Variants in RSU1 observed in about 807,000 individuals in gnomAD.
RSU1 encodes Ras suppressor protein 1.
A neutral mutation model predicts 31.1 loss-of-function variants in RSU1; 26 were observed. The observed-to-expected ratio is 0.84, with a 90% CI of 0.61 to 1.16. The LOEUF (loss-of-function observed/expected upper bound fraction) is 1.16, where lower values mean the gene tolerates loss of function less well. Ranked by LOEUF, RSU1 falls within the 50% of genes most tolerant of loss-of-function variation. The pLI, the probability that RSU1 is intolerant of heterozygous loss-of-function variation, is 0.00. For missense variants in RSU1, 320 were observed against 339.1 expected, an observed-to-expected ratio of 0.94 and a Z score of 0.44; for synonymous variants, 164 against 136.3, an observed-to-expected ratio of 1.20 and a Z score of -1.41.
At chr10:16,749,647 T>A (rs1255364580) in intron 7 of RSU1, among the ~76,000 whole-genome samples, 1 of 152,160 alleles carries the variant, frequency 6.6e-6, no homozygotes, top group African/African-American at 2.4e-5. Flanking sequence ...GATCCCATCC[T>A]GGGGCATGTT....
intron 4 of RSU1, among the ~76,000 whole-genome samples, chr10:16,757,225 G>A (rs1201086721): frequency 6.6e-6 from 1 of 151,726 alleles, no homozygotes; most frequent in Non-Finnish European, 1.5e-5. Flanking sequence ...TTCCCTTTGA[G>A]CATACTTAAA....
intron 2 of RSU1, among the ~76,000 whole-genome samples, chr10:16,813,723 C>T (rs1838461681): frequency 6.6e-6 from 1 of 152,204 alleles, no homozygotes; most frequent in Admixed American, 6.5e-5. Context: ...GTGCTGTACT[C>T]CTCTGCCTCT....
At chr10:16,816,901 G>A (rs965489114) in intron 2 of RSU1, 72 bp downstream of exon 2, 1 of 1,056,680 alleles carries the variant, frequency 9.5e-7, no homozygotes, top group Non-Finnish European at 1.5e-6. Context: ...CTCACAGCAG[G>A]ACCAGCAGTG....
intron 2 of RSU1, among the ~76,000 whole-genome samples, chr10:16,785,318 C>T (rs554251852): frequency 1.3e-4 from 20 of 151,810 alleles, no homozygotes; most frequent in African/African-American, 4.8e-4. Flanking sequence ...TTTCATTGCT[C>T]CTCAGCTTGC....
chr10:16,726,215 A>C (rs1836389574), intron 7 of RSU1, among the ~76,000 whole-genome samples: 1 of 151,846 alleles, frequency 6.6e-6, no homozygotes, highest in Non-Finnish European at 1.5e-5. Flanking sequence ...TTCATTTGTC[A>C]ATATAGTTAC....
chr10:16,643,255 C>A (rs575706143), intron 8 of RSU1, among the ~76,000 whole-genome samples: 1 of 152,254 alleles, frequency 6.6e-6, no homozygotes, highest in South Asian at 2.1e-4. Flanking sequence ...TGATCTGTTA[C>A]TGAGACATGA....
chr10:16,734,749 A>C (rs1299228315), intron 7 of RSU1, among the ~76,000 whole-genome samples: 1 of 152,234 alleles, frequency 6.6e-6, no homozygotes, highest in Non-Finnish European at 1.5e-5. Flanking sequence ...AAAAAGTAAG[A>C]AACATGAGAA....
intron 8 of RSU1, among the ~76,000 whole-genome samples, chr10:16,603,127 T>C (rs984971646): frequency 3.9e-5 from 6 of 152,212 alleles, no homozygotes; most frequent in Admixed American, 3.9e-4. Context: ...TTCTTCTCCA[T>C]TATAACCTGC....
At chr10:16,630,977 T>C (rs116350378) in intron 8 of RSU1, among the ~76,000 whole-genome samples, 101 of 152,354 alleles carry the variant, frequency 6.6e-4, no homozygotes, top group African/African-American at 2.3e-3. Context: ...AGATCTCAGT[T>C]AACTCAGTCC....
chr10:16,723,055 CAT>C (rs1007419985), intron 7 of RSU1: 5 of 151,082 alleles, frequency 3.3e-5, no homozygotes, highest in South Asian at 2.1e-4. Flanking sequence ...TACATACACA[CAT>C]ATATATCATG....
intron 8 of RSU1, among the ~76,000 whole-genome samples, chr10:16,644,990 A>C (rs1834509420): frequency 6.6e-6 from 1 of 152,222 alleles, no homozygotes; most frequent in East Asian, 1.9e-4. Context: ...ATAATATTTA[A>C]TAGCTCTGAT....
intron 7 of RSU1, among the ~76,000 whole-genome samples, chr10:16,751,105 T>C (rs985600865): frequency 6.6e-6 from 1 of 152,060 alleles, no homozygotes; most frequent in Non-Finnish European, 1.5e-5. Flanking sequence ...GGGCTCAAGC[T>C]ATCCGCCTGC....
At chr10:16,643,645 C>T (rs571409449) in intron 8 of RSU1, among the ~76,000 whole-genome samples, 1 of 152,264 alleles carries the variant, frequency 6.6e-6, no homozygotes, top group African/African-American at 2.4e-5. Context: ...TTTATTAACT[C>T]TGTGATCTTG....
intron 7 of RSU1, among the ~76,000 whole-genome samples, chr10:16,744,571 T>A (rs1836812490): frequency 6.6e-6 from 1 of 152,178 alleles, no homozygotes; most frequent in South Asian, 2.1e-4. Context: ...ACCCAACACT[T>A]ACTAGGAACA....
intron 3 of RSU1, among the ~76,000 whole-genome samples, chr10:16,766,472 T>C (rs970939111): frequency 1.3e-5 from 2 of 152,156 alleles, no homozygotes; most frequent in Non-Finnish European, 1.5e-5. Context: ...CCCAGCACTT[T>C]AGGAGGCCGA....
intron 7 of RSU1, among the ~76,000 whole-genome samples, chr10:16,741,774 G>A (rs1232311628): frequency 6.6e-6 from 1 of 152,114 alleles, no homozygotes; most frequent in Admixed American, 6.5e-5. Flanking sequence ...AGGGAAGGTA[G>A]GAAGCAGGAA....
At chr10:16,647,219 G>C (rs1053661122) in intron 8 of RSU1, among the ~76,000 whole-genome samples, 1 of 152,046 alleles carries the variant, frequency 6.6e-6, no homozygotes, top group Non-Finnish European at 1.5e-5. Flanking sequence ...TGATCTACAC[G>C]CCTCGGCCTC....
At chr10:16,656,394 T>A (rs1485541887) in intron 8 of RSU1, among the ~76,000 whole-genome samples, 16 of 152,226 alleles carry the variant, frequency 1.1e-4, no homozygotes, top group Admixed American at 1.0e-3. Context: ...ACTTAATCAA[T>A]CAAATCTCAC....
In RSU1 at chr10:16,730,842, G is replaced by A. The variant is rs147121535; in HGVS notation, c.598+21697C>T. On this transcript the variant is annotated intron_variant, in intron 7 of 8. Coordinates refer to ENST00000345264, the MANE Select transcript of RSU1 (RefSeq NM_012425.4). ...AAGCAATGTTGTTGTTTTTTTCAGC[G>A]AGACTGAGTCTCACTCTGTCGCCCA... Among the ~76,000 whole-genome samples the A allele has an allele frequency of 2.9e-3, 444 of 152,030 alleles. 4 individuals are homozygous for A. Among genetic ancestry groups the A allele is most frequent in the African/African-American group, 0.01 (421 of 41,454 alleles).
Sources: allele counts gnomAD v4.1 joint callset (sites outside exome capture counted in the v4.1 genomes callset), GRCh38; gene constraint gnomAD v4.1.1; transcripts MANE v1.5; gene names NCBI Gene and HGNC (gene_info 2026-07-23, HGNC 2026-07-21).